The following PRKG2 variants were observed in gnomAD, a reference collection of about 807,000 sequenced individuals.
PRKG2 encodes protein kinase cGMP-dependent 2.
A neutral mutation model predicts 97.2 loss-of-function variants in PRKG2; 33 were observed. That is an observed-to-expected ratio of 0.34 (90% CI 0.26 to 0.45). The LOEUF (loss-of-function observed/expected upper bound fraction) is 0.45, where lower values mean the gene tolerates loss of function less well. Ranked by LOEUF, PRKG2 falls within the 20% of genes least tolerant of loss-of-function variation. The pLI is 1.00. For missense variants in PRKG2, 638 were observed against 900.0 expected, an observed-to-expected ratio of 0.71 and a Z score of 3.73; for synonymous variants, 330 against 321.8, an observed-to-expected ratio of 1.03 and a Z score of -0.27.
At chr4:81,094,410 A>ATTTG (rs752238734) in intron 17 of PRKG2, among the ~76,000 whole-genome samples, 143 of 152,282 alleles carry the variant, frequency 9.4e-4, no homozygotes, top group Non-Finnish European at 1.7e-3. Context: ...TTTAGAAGAA[A>ATTTG]TTTGTTTGTT....
intron 5 of PRKG2, among the ~76,000 whole-genome samples, chr4:81,167,577 T>G (rs1220346875): frequency 2.0e-5 from 3 of 152,134 alleles, no homozygotes; most frequent in African/African-American, 4.8e-5. Context: ...CTTCTCAATA[T>G]CTGTTTTATT....
chr4:81,105,099 T>C (rs1463266780), intron 16 of PRKG2, among the ~76,000 whole-genome samples: 1 of 152,140 alleles, frequency 6.6e-6, no homozygotes, highest in Non-Finnish European at 1.5e-5. Flanking sequence ...CTATTTTATA[T>C]TGTGAAAATT....
chr4:81,103,005 C>T (rs1257639038), intron 17 of PRKG2, among the ~76,000 whole-genome samples: 2 of 152,140 alleles, frequency 1.3e-5, no homozygotes, highest in African/African-American at 4.8e-5. Context: ...TTTGCACTAT[C>T]TACATATTCT....
Position 81,144,288 on chromosome 4 carries a change from T to C in PRKG2, c.1197A>G (p.Lys399=). Residue 399 remains lysine (K), a synonymous_variant, in exon 10 of 19, where the codon AAA becomes AAG. Transcript: ENST00000264399. The part of the protein sequence containing the change: ...QTVGTFEELQ[K]YLEGYVANLN... ...GGTTTGCCACATATCCTTCAAGGTA[T>C]TTTTGCAGCTCTTCAAATGTACCGA... 6.2e-7 allele frequency: 1 copy of C among 1,612,354 alleles called. No individual in the cohort carries two copies.
At chr4:81,159,894 A>G (rs1266907591) in intron 6 of PRKG2, among the ~76,000 whole-genome samples, 1 of 145,672 alleles carries the variant, frequency 6.9e-6, no homozygotes, top group Non-Finnish European at 1.5e-5. Context: ...TCACTCATAG[A>G]TGGGAATTGA....
intron 1 of PRKG2, among the ~76,000 whole-genome samples, chr4:81,211,273 G>GTGTTAAGAGCAGGGGAAAT: frequency 6.6e-6 from 1 of 152,194 alleles, no homozygotes; most frequent in Non-Finnish European, 1.5e-5. Flanking sequence ...GCAGGGGAAA[G>GTGTTAAGAGCAGGGGAAAT]TGCTAAGAGG....
At chr4:81,130,859 G>A (rs961816088) in intron 14 of PRKG2, among the ~76,000 whole-genome samples, 7 of 152,112 alleles carry the variant, frequency 4.6e-5, no homozygotes, top group African/African-American at 9.7e-5. Flanking sequence ...ATCCCAGGTC[G>A]ACTTCAGACT....
intron 2 of PRKG2, among the ~76,000 whole-genome samples, chr4:81,203,920 C>T (rs1383301419): frequency 6.6e-6 from 1 of 152,212 alleles, no homozygotes; most frequent in Non-Finnish European, 1.5e-5. Context: ...AAGCCTGCTT[C>T]TGTTGTCTCC....
At chr4:81,187,028 C>T (rs544403834) in intron 2 of PRKG2, among the ~76,000 whole-genome samples, 18 of 152,088 alleles carry the variant, frequency 1.2e-4, no homozygotes, top group South Asian at 4.2e-4. Flanking sequence ...AGATTCACAG[C>T]GAAATTCTAC....
intron 14 of PRKG2, among the ~76,000 whole-genome samples, chr4:81,124,248 T>C (rs576463000): frequency 6.6e-6 from 1 of 152,378 alleles, no homozygotes; most frequent in South Asian, 2.1e-4. Flanking sequence ...TTCTAGCTTC[T>C]ATTGTTGCTG....
chr4:81,140,445 T>TTAAAAA, intron 12 of PRKG2, 88 bp downstream of exon 12: 1 of 1,209,710 alleles, frequency 8.3e-7, no homozygotes, highest in Non-Finnish European at 1.1e-6. Flanking sequence ...CCCACAAAAA[T>TTAAAAA]TAAAAATAAA....
chr4:81,144,730 T>C (rs1483399680), intron 9 of PRKG2, among the ~76,000 whole-genome samples: 1 of 150,516 alleles, frequency 6.6e-6, no homozygotes, highest in Non-Finnish European at 1.5e-5. Flanking sequence ...TTACATTAAG[T>C]ATATCTCCTA....
At chr4:81,180,712 T>C (rs1373858267) in intron 2 of PRKG2, among the ~76,000 whole-genome samples, 1 of 152,202 alleles carries the variant, frequency 6.6e-6, no homozygotes, top group Non-Finnish European at 1.5e-5. Context: ...ATTAATAGAA[T>C]AAGCCAACAA....
At chr4:81,177,513 G>A (rs1751037019) in intron 2 of PRKG2, among the ~76,000 whole-genome samples, 1 of 152,106 alleles carries the variant, frequency 6.6e-6, no homozygotes, top group South Asian at 2.1e-4. Context: ...AGACCATCCT[G>A]GCTAACACAG....
chr4:81,097,131 C>T (rs1357891235), intron 17 of PRKG2, among the ~76,000 whole-genome samples: 1 of 152,084 alleles, frequency 6.6e-6, no homozygotes, highest in Non-Finnish European at 1.5e-5. Flanking sequence ...CCACTGCACT[C>T]CAGCCTGGGT....
intron 2 of PRKG2, among the ~76,000 whole-genome samples, chr4:81,183,555 C>G (rs1334284445): frequency 6.6e-6 from 1 of 152,080 alleles, no homozygotes; most frequent in Non-Finnish European, 1.5e-5. Context: ...AAGCACAAAA[C>G]TGGGCGGCCA....
rs1180947236 is a variant in PRKG2 at position 81,209,593 on chromosome 4, T to C, written c.-13-4533A>G. Among the ~76,000 whole-genome samples, 17 of 152,222 alleles carry C rather than the reference T, an allele frequency of 1.1e-4. 1 individual carries two copies. The highest frequency in any genetic ancestry group is 1.5e-5 in the Non-Finnish European group (1 of 68,032). ...AGACAAAACAATGCTGCCTGTCATT[T>C]ACAGTTTTTAGAGGATTAAATGAGA... On this transcript the variant is annotated intron_variant, in intron 1 of 18. Transcript: ENST00000264399.
At chr4:81,092,294 G>T in intron 18 of PRKG2, 92 bp downstream of exon 18, 1 of 712,622 alleles carries the variant, frequency 1.4e-6, no homozygotes, top group East Asian at 3.1e-5. Flanking sequence ...CCCAAAATCT[G>T]TTATGGGCAT....
At chr4:81,127,865 A>G (rs760688461) in intron 14 of PRKG2, among the ~76,000 whole-genome samples, 1 of 152,162 alleles carries the variant, frequency 6.6e-6, no homozygotes, top group Non-Finnish European at 1.5e-5. Context: ...TTCCAATACT[A>G]TGTTGAATAG....
Sources: gnomAD v4.1 joint callset for allele counts (sites outside exome capture counted in the v4.1 genomes callset) on GRCh38, gnomAD v4.1.1 for gene constraint, MANE v1.5 for transcripts, NCBI Gene and HGNC (gene_info 2026-07-23, HGNC 2026-07-21) for gene names.